Variants in ULK4 observed in about 807,000 individuals in gnomAD.
ULK4 encodes the protein inactive serine/threonine-protein kinase ULK4.
A neutral mutation model predicts 160.6 loss-of-function variants in ULK4; 133 were observed. The observed-to-expected ratio is 0.83, with a 90% CI of 0.72 to 0.96. The LOEUF (loss-of-function observed/expected upper bound fraction) is 0.96, where lower values mean the gene tolerates loss of function less well. ULK4 is among the 40% of genes least tolerant of loss of function. ULK4 has a pLI of 0.00. For synonymous variants in ULK4, 534 were observed against 539.8 expected (o/e 0.99, Z 0.15); for missense variants, 1,580 against 1,499.5 (o/e 1.05, Z -0.89).
intron 30 of ULK4, among the ~76,000 whole-genome samples, chr3:41,646,469 T>C (rs1359040550): frequency 6.6e-6 from 1 of 152,206 alleles, no homozygotes; most frequent in Non-Finnish European, 1.5e-5. Context: ...TTTGGCTGGA[T>C]ATGAGATTCT....
intron 30 of ULK4, among the ~76,000 whole-genome samples, chr3:41,630,758 CT>C (rs763605814): frequency 5.9e-5 from 9 of 152,186 alleles, no homozygotes; most frequent in Non-Finnish European, 1.0e-4. Context: ...TCCCTTCCCC[CT>C]GCCTCCTTTC....
At chr3:41,583,639 C>T (rs989340191) in intron 31 of ULK4, among the ~76,000 whole-genome samples, 1 of 152,156 alleles carries the variant, frequency 6.6e-6, no homozygotes, top group African/African-American at 2.4e-5. Context: ...TGGATCTGTC[C>T]TATGCTCCCA....
chr3:41,657,225 A>G (rs2034970672), intron 30 of ULK4, among the ~76,000 whole-genome samples: 1 of 152,228 alleles, frequency 6.6e-6, no homozygotes, highest in African/African-American at 2.4e-5. Context: ...CAATGGTAAT[A>G]TGACTAAGTT....
chr3:41,839,213 G>A (rs2041842621), intron 17 of ULK4, among the ~76,000 whole-genome samples: 1 of 151,786 alleles, frequency 6.6e-6, no homozygotes, highest in African/African-American at 2.4e-5. Context: ...GGTGGTGCAT[G>A]CCTGTAATCC....
chr3:41,268,334 CCT>C (rs1169450427), intron 35 of ULK4, among the ~76,000 whole-genome samples: 1 of 152,164 alleles, frequency 6.6e-6, no homozygotes, highest in Non-Finnish European at 1.5e-5. Context: ...CCCTTCTTTT[CCT>C]CTCTCCTGAG....
chr3:41,656,659 C>T (rs554961639), intron 30 of ULK4, among the ~76,000 whole-genome samples: 1 of 152,296 alleles, frequency 6.6e-6, no homozygotes, highest in African/African-American at 2.4e-5. Context: ...GCCAGAAGTA[C>T]TTTTCACTCA....
intron 32 of ULK4, among the ~76,000 whole-genome samples, chr3:41,536,822 C>G (rs1795325): frequency 0.44 from 66,614 of 151,784 alleles, 15,476 homozygotes; most frequent in Non-Finnish European, 0.51. Context: ...GAGGCAGGCA[C>G]ACTCAGTGTA....
intron 1 of ULK4, among the ~76,000 whole-genome samples, chr3:41,959,011 T>A (rs1700577879): frequency 6.6e-6 from 1 of 152,160 alleles, no homozygotes; most frequent in African/African-American, 2.4e-5. Flanking sequence ...GTAGGTCACC[T>A]GAAGTCAGGA....
intron 21 of ULK4, among the ~76,000 whole-genome samples, chr3:41,789,014 AG>A (rs1334208234): frequency 6.6e-5 from 10 of 152,312 alleles, no homozygotes; most frequent in African/African-American, 2.2e-4. Context: ...GGGGCCTAAA[AG>A]TCTGCATTTC....
At chr3:41,597,489 G>C (rs1210641703) in intron 31 of ULK4, among the ~76,000 whole-genome samples, 6 of 152,168 alleles carry the variant, frequency 3.9e-5, no homozygotes, top group Non-Finnish European at 8.8e-5. Context: ...CCCATCCCAG[G>C]TTGGGTCTTT....
At chr3:41,463,316 C>A (rs2083741357) in intron 32 of ULK4, 63 bp from the exon 33 acceptor site, 17 of 1,516,534 alleles carry the variant, frequency 1.1e-5, no homozygotes, top group Non-Finnish European at 1.4e-5. Flanking sequence ...GTCATATGAA[C>A]CAAAAAGAGA....
rs145288191 is a variant in ULK4, at chr3:41,454,946, C to T, written c.3492+551G>A. ...CACCTGATTCAAATGATCCACTCACCTTGGTTTCCCAAAGTGCTAGGCTAA... is the reference window on the plus strand; with the variant it reads ...CACCTGATTCAAATGATCCACTCACTTTGGTTTCCCAAAGTGCTAGGCTAA... On this transcript the variant is annotated intron_variant, in intron 34 of 36. Transcript: ENST00000301831. Among the ~76,000 whole-genome samples, 17 of 152,274 alleles carry T rather than the reference C, an allele frequency of 1.1e-4. No homozygotes were observed. In the East Asian group the frequency reaches 3.3e-3, roughly 29 times the overall value.
At chr3:41,397,668 C>T (rs754589574) in intron 35 of ULK4, among the ~76,000 whole-genome samples, 5 of 152,018 alleles carry the variant, frequency 3.3e-5, no homozygotes, top group Non-Finnish European at 5.9e-5. Flanking sequence ...AGACTGTATC[C>T]TACACCAGAA....
chr3:41,508,516 G>A (rs1287143580), intron 32 of ULK4, among the ~76,000 whole-genome samples: 1 of 152,048 alleles, frequency 6.6e-6, no homozygotes, highest in Non-Finnish European at 1.5e-5. Flanking sequence ...CTGGCTGGAG[G>A]TCAACCAACA....
At chr3:41,671,536 C>T (rs1475473923) in intron 29 of ULK4, among the ~76,000 whole-genome samples, 1 of 152,064 alleles carries the variant, frequency 6.6e-6, no homozygotes, top group East Asian at 1.9e-4. Flanking sequence ...ACTGGAAAAT[C>T]ATATCCAGAA....
At chr3:41,753,953 G>A (rs1309979959) in intron 22 of ULK4, among the ~76,000 whole-genome samples, 1 of 152,198 alleles carries the variant, frequency 6.6e-6, no homozygotes, top group Non-Finnish European at 1.5e-5. Flanking sequence ...GTGAGTGCCA[G>A]CATGGGAAAT....
chr3:41,550,900 C>A (rs773442299), intron 32 of ULK4, among the ~76,000 whole-genome samples: 34 of 151,898 alleles, frequency 2.2e-4, no homozygotes, highest in African/African-American at 7.7e-4. Context: ...CAAGTCTCAA[C>A]AAATTTTTAA....
chr3:41,671,629 C>A (rs1405718412), intron 29 of ULK4, among the ~76,000 whole-genome samples: 1 of 151,914 alleles, frequency 6.6e-6, no homozygotes, highest in Non-Finnish European at 1.5e-5. Context: ...TAAAAGAAAA[C>A]ATAGGGAAAA....
At chr3:41,830,822 G>T (rs928580107) in intron 18 of ULK4, among the ~76,000 whole-genome samples, 3 of 151,732 alleles carry the variant, frequency 2.0e-5, no homozygotes, top group African/African-American at 7.3e-5. Context: ...GAGCACTGAG[G>T]TTTTATTTTC....
Sources: gnomAD v4.1 joint callset for allele counts (sites outside exome capture counted in the v4.1 genomes callset) on GRCh38, gnomAD v4.1.1 for gene constraint, MANE v1.5 for transcripts, NCBI Gene and HGNC (gene_info 2026-07-23, HGNC 2026-07-21) for gene names.